The following C8orf34 variants were observed in gnomAD, a reference collection of about 807,000 sequenced individuals.
C8orf34 encodes uncharacterized protein C8orf34.
Under a neutral mutation model 68.3 loss-of-function variants are expected in C8orf34, and 65 were observed. That is an observed-to-expected ratio of 0.95 (90% CI 0.78 to 1.17). The LOEUF is 1.17. C8orf34 is among the 50% of genes most tolerant of loss of function. C8orf34 has a pLI of 0.00. For synonymous variants in C8orf34, 244 were observed against 241.2 expected (o/e 1.01, Z -0.11); for missense variants, 664 against 655.4 (o/e 1.01, Z -0.14).
chr8:68,561,405 T>A (rs1406785565), intron 7 of C8orf34, among the ~76,000 whole-genome samples: 2 of 152,232 alleles, frequency 1.3e-5, no homozygotes, highest in Non-Finnish European at 2.9e-5. Context: ...CTATAAGCTT[T>A]TTTTCTATTT....
intron 1 of C8orf34, among the ~76,000 whole-genome samples, chr8:68,391,972 C>T (rs1029365307): frequency 6.6e-6 from 1 of 152,096 alleles, no homozygotes; most frequent in Non-Finnish European, 1.5e-5. Flanking sequence ...CAATGAACAT[C>T]GCTAATGAAT....
At chr8:68,439,328 A>T (rs915557234) in intron 1 of C8orf34, 171 bp from the exon 2 acceptor site, 1 of 529,622 alleles carries the variant, frequency 1.9e-6, no homozygotes, top group South Asian at 3.4e-5. Flanking sequence ...GTTTCCTCAG[A>T]ATGAGGGCAG....
chr8:68,332,981 G>A (rs1421479200), intron 1 of C8orf34, among the ~76,000 whole-genome samples: 7 of 152,000 alleles, frequency 4.6e-5, no homozygotes, highest in Admixed American at 4.6e-4. Context: ...TAATTGCATC[G>A]AAAGAATCAT....
chr8:68,753,680 A>G (rs781697156), intron 10 of C8orf34, among the ~76,000 whole-genome samples: 6 of 152,212 alleles, frequency 3.9e-5, no homozygotes, highest in Admixed American at 6.5e-5. Context: ...GTTACATTTT[A>G]TGTGACCCTC....
At chr8:68,533,921 A>C (rs1815355309) in intron 7 of C8orf34, 19 of 876,900 alleles carry the variant, frequency 2.2e-5, no homozygotes, top group Non-Finnish European at 2.6e-5. Flanking sequence ...TATGATTTTC[A>C]AATACTTTAT....
At chr8:68,489,606 G>A (rs1321906125) in intron 5 of C8orf34, among the ~76,000 whole-genome samples, 1 of 152,098 alleles carries the variant, frequency 6.6e-6, no homozygotes, top group Admixed American at 6.5e-5. Context: ...TTTTGACTGC[G>A]ACTCATCACA....
chr8:68,604,640 C>T (rs778491088), intron 7 of C8orf34, among the ~76,000 whole-genome samples: 1 of 152,048 alleles, frequency 6.6e-6, no homozygotes, highest in African/African-American at 2.4e-5. Context: ...TATGCTGGAA[C>T]AACTGGGCAT....
At chr8:68,347,146 T>C (rs1372003866) in intron 1 of C8orf34, among the ~76,000 whole-genome samples, 1 of 151,744 alleles carries the variant, frequency 6.6e-6, no homozygotes, top group Non-Finnish European at 1.5e-5. Flanking sequence ...CCAGTGTTTG[T>C]TGTTTCTTTC....
intron 8 of C8orf34, among the ~76,000 whole-genome samples, chr8:68,656,702 T>G (rs1819519559): frequency 6.6e-6 from 1 of 152,154 alleles, no homozygotes; most frequent in South Asian, 2.1e-4. Flanking sequence ...ACACCTTTCC[T>G]CCTCCTCTCA....
intron 12 of C8orf34, among the ~76,000 whole-genome samples, chr8:68,810,713 C>G (rs1824624411): frequency 6.6e-6 from 1 of 152,146 alleles, no homozygotes; most frequent in African/African-American, 2.4e-5. Context: ...GAGACTCCAA[C>G]TGGGTAGCTC....
intron 7 of C8orf34, among the ~76,000 whole-genome samples, chr8:68,584,856 A>G (rs1227484939): frequency 6.6e-6 from 1 of 152,200 alleles, no homozygotes; most frequent in African/African-American, 2.4e-5. Context: ...AAAGGATTCC[A>G]TAAAGAACAT....
At chr8:68,612,317 C>T (rs796241010) in intron 7 of C8orf34, among the ~76,000 whole-genome samples, 3 of 152,042 alleles carry the variant, frequency 2.0e-5, no homozygotes, top group Admixed American at 2.0e-4. Flanking sequence ...TGTTTATGGG[C>T]AAGCTGAGAC....
chr8:68,361,956 C>G (rs1017271565), intron 1 of C8orf34, among the ~76,000 whole-genome samples: 1 of 152,214 alleles, frequency 6.6e-6, no homozygotes, highest in African/African-American at 2.4e-5. Context: ...GAACTACAAT[C>G]TCTATAGTCA....
At chr8:68,815,858 T>C in intron 12 of C8orf34, 28 bp from the exon 13 acceptor site, 1 of 1,613,558 alleles carries the variant, frequency 6.2e-7, no homozygotes, top group South Asian at 1.1e-5. Flanking sequence ...TGGCCTGGCA[T>C]ATTATCTCTG....
At chr8:68,672,041 T>C (rs983453753) in intron 8 of C8orf34, among the ~76,000 whole-genome samples, 4 of 152,208 alleles carry the variant, frequency 2.6e-5, no homozygotes, top group Non-Finnish European at 5.9e-5. Flanking sequence ...GTGAACCATA[T>C]ATGTATAAAA....
chr8:68,514,258 TC>T (rs1368492477), intron 5 of C8orf34, among the ~76,000 whole-genome samples: 5 of 152,120 alleles, frequency 3.3e-5, no homozygotes, highest in Admixed American at 3.3e-4. Context: ...GACAGGCTCC[TC>T]CCTGCTGCAA....
At chr8:68,371,748 C>T (rs1807573699) in intron 1 of C8orf34, among the ~76,000 whole-genome samples, 1 of 151,916 alleles carries the variant, frequency 6.6e-6, no homozygotes, top group Non-Finnish European at 1.5e-5. Flanking sequence ...TACAGGCATG[C>T]ACCACCACAC....
Position 68,459,044 on chromosome 8 carries a change from A to G in C8orf34, c.608-9648A>G, listed in dbSNP as rs981399030. Among the ~76,000 whole-genome samples, 102 of 152,258 alleles carry G rather than the reference A, an allele frequency of 6.7e-4. 1 individual carries two copies. The highest frequency in any genetic ancestry group is 1.6e-4 in the Non-Finnish European group (11 of 68,018). ...TGTCTTTGTATATTCTTTCCTTTGT[A>G]CACATTAGCAGATATGATATGGATG... On this transcript the variant is annotated intron_variant, in intron 3 of 13. Coordinates refer to ENST00000518698, the MANE Select transcript of C8orf34 (RefSeq NM_052958.4).
chr8:68,392,288 T>C (rs1312438550), intron 1 of C8orf34, among the ~76,000 whole-genome samples: 1 of 151,978 alleles, frequency 6.6e-6, no homozygotes. Context: ...ATCATCCAAA[T>C]GCCCTTAATA....
Sources: gnomAD v4.1 joint callset for allele counts (sites outside exome capture counted in the v4.1 genomes callset) on GRCh38, gnomAD v4.1.1 for gene constraint, MANE v1.5 for transcripts, NCBI Gene and HGNC (gene_info 2026-07-23, HGNC 2026-07-21) for gene names.